Variants in STRIP2 observed in about 807,000 individuals in gnomAD.
STRIP2 encodes the protein striatin interacting protein 2, also known as striatin-interacting protein 2.
Under a neutral mutation model 107.1 loss-of-function variants are expected in STRIP2, and 84 were observed. The ratio of observed to expected loss-of-function variants is 0.78; its 90% CI spans 0.66 to 0.94. The LOEUF is 0.94. Ranked by LOEUF, STRIP2 falls within the 40% of genes least tolerant of loss-of-function variation. The pLI is 0.00. For synonymous variants in STRIP2, 394 were observed against 400.4 expected (o/e 0.98, Z 0.19); for missense variants, 888 against 1,034.2 (o/e 0.86, Z 1.94).
At chr7:129,472,681 A>G (rs547269060) in intron 18 of STRIP2, among the ~76,000 whole-genome samples, 1 of 151,140 alleles carries the variant, frequency 6.6e-6, no homozygotes, top group African/African-American at 2.4e-5. Flanking sequence ...TAATGTTCAT[A>G]TGAGTAAGAT....
intron 4 of STRIP2, 38 bp from the exon 5 acceptor site, chr7:129,453,189 C>T: frequency 2.5e-6 from 4 of 1,612,060 alleles, no homozygotes; most frequent in East Asian, 4.5e-5. Flanking sequence ...GGGATACTGC[C>T]ACCCCTCAAC....
At chr7:129,435,095 T>C (rs982353826) in intron 1 of STRIP2, among the ~76,000 whole-genome samples, 8 of 152,086 alleles carry the variant, frequency 5.3e-5, no homozygotes, top group African/African-American at 1.4e-4. Flanking sequence ...CTTCTGCCCG[T>C]TCCCTGCCCG....
rs1797676610 is a variant in STRIP2 at position 129,434,581 on chromosome 7, A to G, written c.109A>G (p.Ser37Gly). 1 of 1,514,102 alleles carries G rather than the reference A, an allele frequency of 6.6e-7. No individual in the cohort carries two copies. Among genetic ancestry groups the G allele is most frequent in the African/African-American group, 1.4e-5 (1 of 70,026 alleles). 93.8% of individuals were successfully genotyped at this position (1,514,102 alleles called of 1,614,324 possible). Reference protein sequence around the residue: ...AAPKGREAFRSQRRESEGSVD... With the variant: ...AAPKGREAFRGQRRESEGSVD... ...GCCCAAGGGCCGCGAAGCGTTCCGA[A>G]GCCAGCGGCGGGAGTCAGAGGTGAG... Residue 37 changes from serine to glycine, a missense_variant, in exon 1 of 21, where the codon AGC (serine) becomes GGC (glycine). Ser to Gly is a moderately conservative substitution (Grantham distance 56). Coordinates refer to ENST00000249344, the MANE Select transcript of STRIP2 (RefSeq NM_020704.3).
intron 20 of STRIP2, 29 bp from the exon 21 acceptor site, chr7:129,485,550 G>A (rs745730168): frequency 5.6e-6 from 9 of 1,606,792 alleles, no homozygotes; most frequent in South Asian, 1.1e-5. Flanking sequence ...TGCATTGTAT[G>A]TCTTCTTCTT....
Position 129,449,361 on chromosome 7 carries a change from C to T in STRIP2, c.275-2252C>T, listed in dbSNP as rs183561798. Among the ~76,000 whole-genome samples, 565 of 152,276 alleles carry T rather than the reference C, an allele frequency of 3.7e-3. 6 individuals are homozygous for T. The Middle Eastern group carries it at 0.041, about 11-fold the overall frequency. ...ACCTCTAGGGGCCTGCCAGGACTTT[C>T]GTCTAGTTATAGGTCTAGAACCAAA... On this transcript the variant is annotated intron_variant, in intron 3 of 20. Transcript: ENST00000249344.
intron 18 of STRIP2, among the ~76,000 whole-genome samples, chr7:129,476,380 C>T (rs1323574305): frequency 7.8e-6 from 1 of 127,514 alleles, no homozygotes; most frequent in Non-Finnish European, 1.7e-5. Context: ...ACTTCTCAGA[C>T]GGGGCGGCTG....
At chr7:129,464,211 T>G (rs1458278782) in intron 15 of STRIP2, 70 bp downstream of exon 15, 4 of 1,172,284 alleles carry the variant, frequency 3.4e-6, no homozygotes, top group African/African-American at 1.5e-5. Context: ...TAGTCCCCAC[T>G]CACCTTGTTA....
chr7:129,465,117 A>G (rs932651097), intron 16 of STRIP2, among the ~76,000 whole-genome samples: 1 of 152,144 alleles, frequency 6.6e-6, no homozygotes, highest in Non-Finnish European at 1.5e-5. Context: ...CCAACATTTG[A>G]GATATAATTC....
intron 18 of STRIP2, among the ~76,000 whole-genome samples, chr7:129,477,575 C>G (rs1799004108): frequency 6.6e-6 from 1 of 152,150 alleles, no homozygotes; most frequent in South Asian, 2.1e-4. Flanking sequence ...CCCAAACAAT[C>G]TTGAAATTTT....
intron 14 of STRIP2, among the ~76,000 whole-genome samples, chr7:129,463,299 A>G (rs1183567341): frequency 6.6e-6 from 1 of 152,130 alleles, no homozygotes; most frequent in Non-Finnish European, 1.5e-5. Context: ...CTCCTCCGAG[A>G]TAAGTACTGT....
At chr7:129,485,425 C>A (rs1799220301) in intron 20 of STRIP2, among the ~76,000 whole-genome samples, 154 bp from the exon 21 acceptor site, 1 of 133,904 alleles carries the variant, frequency 7.5e-6, no homozygotes, top group Admixed American at 8.9e-5. Context: ...TGTCAGCATG[C>A]TGTATACTAA....
intron 18 of STRIP2, among the ~76,000 whole-genome samples, chr7:129,475,352 TA>T (rs764076458): frequency 2.0e-4 from 31 of 151,692 alleles, no homozygotes; most frequent in South Asian, 1.9e-3. Context: ...ATTTTTTATT[TA>T]TTTTTTTTAT....
intron 19 of STRIP2, among the ~76,000 whole-genome samples, chr7:129,481,173 T>G (rs1799106758): frequency 6.6e-6 from 1 of 152,212 alleles, no homozygotes; most frequent in Non-Finnish European, 1.5e-5. Flanking sequence ...ATGATGCAAG[T>G]GCAAGGTTTA....
chr7:129,485,619 T>C lies in STRIP2; in HGVS notation c.2295T>C (p.Cys765=). Residue 765 remains cysteine, a synonymous_variant, in exon 21 of 21, where the codon TGT becomes TGC. Transcript: ENST00000249344. Reference sequence around the variant, plus strand: ...CATGGGACTTCCAAGCAGAAGAATGTACCTTGAGGGCCAACATTGAGGCTT... The same window carrying C: ...CATGGGACTTCCAAGCAGAAGAATGCACCTTGAGGGCCAACATTGAGGCTT... ...ARPWDFQAEE[C]TLRANIEAFN... 1 of 1,614,006 alleles carries C rather than the reference T, an allele frequency of 6.2e-7. No individual in the cohort carries two copies. The highest frequency in any genetic ancestry group is 8.5e-7 in the Non-Finnish European group (1 of 1,180,022).
Position 129,435,262 on chromosome 7 carries a change from A to G in STRIP2, c.129+661A>G, listed in dbSNP as rs140600101. 3.0e-4 allele frequency among the ~76,000 whole-genome samples: 46 copies of G among 152,336 alleles called. 1 individual carries two copies. The East Asian group carries it at 7.7e-3, about 26-fold the overall frequency. On this transcript the variant is annotated intron_variant, in intron 1 of 20. Transcript: ENST00000249344. ...TCGCAGGATACAGATAGGAGTGTGA[A>G]TATTTCGATCTCTTCCTCCTCTCCT...
chr7:129,470,539 G>A, intron 17 of STRIP2, 110 bp from the exon 18 acceptor site: 1 of 870,676 alleles, frequency 1.1e-6, no homozygotes, highest in South Asian at 1.5e-5. Context: ...AAGCAATTTG[G>A]GAAATGGATA....
intron 1 of STRIP2, among the ~76,000 whole-genome samples, chr7:129,437,815 T>TTTTTTTTTTTG (rs1562891871): frequency 6.7e-6 from 1 of 150,156 alleles, no homozygotes; most frequent in Non-Finnish European, 1.5e-5. Context: ...TTTTTTGTTT[T>TTTTTTTTTTTG]TTTTTTTTTT....
At chr7:129,436,129 G>GT (rs35289714) in intron 1 of STRIP2, among the ~76,000 whole-genome samples, 17 of 151,892 alleles carry the variant, frequency 1.1e-4, no homozygotes, top group Non-Finnish European at 2.2e-4. Flanking sequence ...TCGTTCAAAT[G>GT]TTTTTTTGGG....
At chr7:129,444,160 C>T (rs1797974875) in intron 3 of STRIP2, 62 bp downstream of exon 3, 1 of 1,278,094 alleles carries the variant, frequency 7.8e-7, no homozygotes, top group African/African-American at 1.5e-5. Context: ...CCAGCCTGAT[C>T]TAGTAAAAGA....
Sources: allele counts gnomAD v4.1 joint callset (sites outside exome capture counted in the v4.1 genomes callset), GRCh38; gene constraint gnomAD v4.1.1; transcripts MANE v1.5; gene names NCBI Gene and HGNC (gene_info 2026-07-23, HGNC 2026-07-21).